The following SLC12A6 variants were observed in gnomAD, a reference collection of about 807,000 sequenced individuals.
SLC12A6 encodes the protein K-Cl cotransporter 3.
SLC12A6 carries 66 observed loss-of-function variants against 135.3 expected under a neutral mutation model. That is an observed-to-expected ratio of 0.49 (90% CI 0.40 to 0.60). SLC12A6 has a LOEUF of 0.60. Ranked by LOEUF, SLC12A6 falls within the 20% of genes least tolerant of loss-of-function variation. SLC12A6 has a pLI of 0.00. For missense variants in SLC12A6, 1,058 were observed against 1,452.3 expected (o/e 0.73, Z 4.41); for synonymous variants, 513 against 508.8 (o/e 1.01, Z -0.11).
At chr15:34,287,690 T>A (rs1463251248) in intron 2 of SLC12A6, among the ~76,000 whole-genome samples, 1 of 152,240 alleles carries the variant, frequency 6.6e-6, no homozygotes, top group Non-Finnish European at 1.5e-5. Flanking sequence ...TGAGATGGTA[T>A]CTCACTGTGG....
intron 3 of SLC12A6, among the ~76,000 whole-genome samples, chr15:34,266,726 C>T (rs1367442645): frequency 6.6e-6 from 1 of 152,212 alleles, no homozygotes; most frequent in South Asian, 2.1e-4. Flanking sequence ...GCCACCGGGC[C>T]TGGCTGGCAC....
At chr15:34,308,644 A>AAAAAAAC (rs1566858641) in intron 2 of SLC12A6, among the ~76,000 whole-genome samples, 5 of 149,694 alleles carry the variant, frequency 3.3e-5, no homozygotes, top group African/African-American at 1.3e-4. Context: ...AAAAAAAAAA[A>AAAAAAAC]AAAAAAAACA....
chr15:34,250,285 AT>A lies in SLC12A6; in HGVS notation c.1649+12del. On this transcript the variant is annotated intron_variant, in intron 13 of 25. Coordinates refer to ENST00000354181, the MANE Select transcript of SLC12A6 (RefSeq NM_001365088.1). ...ACACACACATAATTGTTACAAAGAA[AT>A]TCATTACTCACTTGTCTCTGAGAAC... 7.0e-7 allele frequency: 1 copy of A among 1,433,382 alleles called. No homozygotes were observed. Among genetic ancestry groups the A allele is most frequent in the African/African-American group, 1.4e-5 (1 of 71,546 alleles). The allele number at this position is 1,433,382 out of a possible 1,614,324, so 88.8% of individuals were successfully genotyped here. A position where few individuals can be genotyped will look rare whatever the true frequency, so the allele number is the denominator to read the frequency against.
chr15:34,268,374 T>C (rs765827358), intron 3 of SLC12A6, among the ~76,000 whole-genome samples: 3 of 152,196 alleles, frequency 2.0e-5, no homozygotes, highest in Non-Finnish European at 4.4e-5. Context: ...CAACCAATAA[T>C]GTCCTACTCA....
In SLC12A6 at chr15:34,245,355, G is replaced by C. The variant is rs778045623; in HGVS notation, c.1873C>G (p.Leu625Val). 6.2e-7 allele frequency: 1 copy of C among 1,613,696 alleles called. No individual in the cohort carries two copies. Among genetic ancestry groups the C allele is most frequent in the Non-Finnish European group, 8.5e-7 (1 of 1,179,574 alleles). ...ANGEPTWALL[L>V]TAAIAELGIL... ...CCAAGCTCTGCAATGGCAGCAGTTA[G>C]AAGTAAAGCCCAGGTAGGTTCCCCA... The change falls in exon 15 of 26, where the codon CTA becomes GTA. Residue 625 changes from leucine (L) to valine (V), a missense_variant. Coordinates refer to ENST00000354181, the MANE Select transcript of SLC12A6 (RefSeq NM_001365088.1).
chr15:34,332,332 A>G (rs1889904647), intron 2 of SLC12A6, among the ~76,000 whole-genome samples: 1 of 152,222 alleles, frequency 6.6e-6, no homozygotes, highest in Non-Finnish European at 1.5e-5. Flanking sequence ...TGGTGAAGGA[A>G]TAAGTAAAGT....
Position 34,238,399 on chromosome 15 carries a change from T to C in SLC12A6, c.2635A>G (p.Thr879Ala). The change falls in exon 21 of 26, where the codon ACA (threonine) becomes GCA (alanine). Residue 879 changes from threonine to alanine, a missense_variant and splice_region_variant. This residue lies in a region of SLC12A6 where 245 missense variants were observed against 440.8 expected (regional missense o/e 0.56). Transcript: ENST00000354181. ...DARAWKTFIG[T>A]VRVTTAAHLA... ...TGGGCAGCAGTTGTCACTCGAACTG[T>C]GCCTAGGGAGAAAAAAGAATAAGCA... is the stretch of plus-strand genomic sequence containing the variant. 6.2e-7 allele frequency: 1 copy of C among 1,612,382 alleles called. No individual in the cohort carries two copies. Among genetic ancestry groups the C allele is most frequent in the Non-Finnish European group, 8.5e-7 (1 of 1,178,488 alleles).
intron 2 of SLC12A6, among the ~76,000 whole-genome samples, chr15:34,299,160 G>GGGGGATGATGGT (rs373031606): frequency 1.3e-4 from 20 of 152,262 alleles, no homozygotes; most frequent in African/African-American, 4.3e-4. Flanking sequence ...ATCTCAGGCT[G>GGGGGATGATGGT]GGGGATGATG....
Position 34,236,991 on chromosome 15 carries a change from T to A in SLC12A6, c.2935-176A>T, listed in dbSNP as rs575883214. ...ACATAAATGTTTTTGTGACTGTAGATAAAATTCAGAGGCCCTGAGAGTCTT... is the reference window on the plus strand; with the variant it reads ...ACATAAATGTTTTTGTGACTGTAGAAAAAATTCAGAGGCCCTGAGAGTCTT... On this transcript the variant is annotated intron_variant, in intron 22 of 25. Coordinates refer to ENST00000354181, the MANE Select transcript of SLC12A6 (RefSeq NM_001365088.1). 1.7e-4 allele frequency: 106 copies of A among 635,220 alleles called. No homozygotes were observed. In the African/African-American group the frequency reaches 1.8e-3, roughly 11 times the overall value. 39.3% of individuals were successfully genotyped at this position (635,220 alleles called of 1,614,324 possible). A position where few individuals can be genotyped will look rare whatever the true frequency, so the allele number is the denominator to read the frequency against.
chr15:34,239,853 T>TG (rs1469599390), intron 19 of SLC12A6, among the ~76,000 whole-genome samples: 1 of 152,216 alleles, frequency 6.6e-6, no homozygotes, highest in African/African-American at 2.4e-5. Context: ...TTCAATCCTG[T>TG]GTACCTTTTA....
At chr15:34,255,809 A>C (rs1365034089) in intron 7 of SLC12A6, among the ~76,000 whole-genome samples, 1 of 150,872 alleles carries the variant, frequency 6.6e-6, no homozygotes, top group Admixed American at 6.6e-5. Flanking sequence ...CACCTCTGTA[A>C]AAAAAAAAAA....
intron 6 of SLC12A6, among the ~76,000 whole-genome samples, chr15:34,257,371 A>C (rs1892824740): frequency 6.6e-6 from 1 of 152,212 alleles, no homozygotes; most frequent in African/African-American, 2.4e-5. Context: ...TTGGATTCTG[A>C]ATTCTCTGAA....
intron 3 of SLC12A6, among the ~76,000 whole-genome samples, chr15:34,264,757 A>C (rs112724817): frequency 0.018 from 2,707 of 152,318 alleles, 93 homozygotes; most frequent in African/African-American, 0.062. Flanking sequence ...ACAGATTTGT[A>C]ACATTGATGA....
intron 2 of SLC12A6, among the ~76,000 whole-genome samples, chr15:34,289,080 C>T (rs865799335): frequency 7.2e-5 from 11 of 152,160 alleles, no homozygotes; most frequent in African/African-American, 2.4e-4. Flanking sequence ...AAAGGGAATG[C>T]TTCCAGTTTT....
At chr15:34,315,768 G>C (rs377382321) in intron 2 of SLC12A6, among the ~76,000 whole-genome samples, 1 of 151,914 alleles carries the variant, frequency 6.6e-6, no homozygotes, top group Non-Finnish European at 1.5e-5. Context: ...GGCGGATCAC[G>C]AAGTCAGGAG....
At chr15:34,330,898 T>C (rs1214720357) in intron 2 of SLC12A6, among the ~76,000 whole-genome samples, 2 of 151,906 alleles carry the variant, frequency 1.3e-5, no homozygotes, top group Non-Finnish European at 2.9e-5. Flanking sequence ...AAAAATTAGC[T>C]GGGTGTAGTG....
At chr15:34,272,110 G>T (rs1894000069) in intron 3 of SLC12A6, among the ~76,000 whole-genome samples, 1 of 152,022 alleles carries the variant, frequency 6.6e-6, no homozygotes, top group African/African-American at 2.4e-5. Context: ...AAGTAGCTGG[G>T]ACTACAGGCA....
intron 2 of SLC12A6, among the ~76,000 whole-genome samples, chr15:34,321,835 C>T (rs761142673): frequency 7.2e-5 from 11 of 152,280 alleles, no homozygotes; most frequent in Middle Eastern, 3.4e-3. Flanking sequence ...AAAAACATTA[C>T]GGCTAGGTGA....
chr15:34,250,791 T>C (rs1690619939), intron 11 of SLC12A6, 62 bp from the exon 12 acceptor site: 3 of 1,351,732 alleles, frequency 2.2e-6, no homozygotes, highest in Non-Finnish European at 3.2e-6. Flanking sequence ...TTGATACTGA[T>C]AGCAAAGAGT....
Sources: gnomAD v4.1 joint callset for allele counts (sites outside exome capture counted in the v4.1 genomes callset) on GRCh38, gnomAD v4.1.1 for gene constraint, gnomAD v4.1.1 regional missense constraint, MANE v1.5 for transcripts, NCBI Gene and HGNC (gene_info 2026-07-23, HGNC 2026-07-21) for gene names.